The following CHCHD6 variants were observed in gnomAD, a reference collection of about 807,000 sequenced individuals.
CHCHD6 encodes the protein MICOS complex subunit MIC25.
A neutral mutation model predicts 32.3 loss-of-function variants in CHCHD6; 28 were observed. The ratio of observed to expected loss-of-function variants is 0.87; its 90% CI spans 0.64 to 1.19. CHCHD6 has a LOEUF of 1.19. Ranked by LOEUF, CHCHD6 falls within the 50% of genes most tolerant of loss-of-function variation. The pLI is 0.00. For missense variants in CHCHD6, 333 were observed against 307.0 expected, an observed-to-expected ratio of 1.08 and a Z score of -0.63; for synonymous variants, 122 against 117.5, an observed-to-expected ratio of 1.04 and a Z score of -0.25.
At chr3:126,744,434 G>T (rs78479206) in intron 4 of CHCHD6, among the ~76,000 whole-genome samples, 4 of 152,154 alleles carry the variant, frequency 2.6e-5, no homozygotes, top group Non-Finnish European at 1.5e-5. Context: ...AGAAAAGTCC[G>T]ATTCTTTCCC....
At chr3:126,803,542 C>G (rs1442377996) in intron 4 of CHCHD6, among the ~76,000 whole-genome samples, 1 of 152,200 alleles carries the variant, frequency 6.6e-6, no homozygotes, top group Non-Finnish European at 1.5e-5. Context: ...GCACCCAATA[C>G]AGGAGCACCC....
intron 6 of CHCHD6, among the ~76,000 whole-genome samples, chr3:126,920,077 G>T (rs1374472095): frequency 6.6e-6 from 1 of 151,772 alleles, no homozygotes; most frequent in African/African-American, 2.4e-5. Flanking sequence ...AAATTTCCAT[G>T]CTATAGTTGG....
At chr3:126,729,844 A>G (rs537187004) in intron 2 of CHCHD6, among the ~76,000 whole-genome samples, 1 of 152,298 alleles carries the variant, frequency 6.6e-6, no homozygotes, top group South Asian at 2.1e-4. Context: ...GGTGTGGGAC[A>G]TCGGAGAAGG....
chr3:126,707,580 G>A (rs1576319889), intron 1 of CHCHD6, among the ~76,000 whole-genome samples: 1 of 152,132 alleles, frequency 6.6e-6, no homozygotes. Flanking sequence ...GCTGATGTTG[G>A]TTGCTTGTGA....
chr3:126,788,698 C>G (rs1938360942), intron 4 of CHCHD6, among the ~76,000 whole-genome samples: 1 of 152,024 alleles, frequency 6.6e-6, no homozygotes, highest in South Asian at 2.1e-4. Flanking sequence ...TTTATTGCAT[C>G]TATTTGATTC....
intron 4 of CHCHD6, among the ~76,000 whole-genome samples, chr3:126,825,879 C>T (rs779508766): frequency 3.3e-5 from 5 of 152,206 alleles, no homozygotes; most frequent in African/African-American, 9.6e-5. Flanking sequence ...AACGATGCAA[C>T]AAACACGTTT....
chr3:126,934,536 C>CCT (rs1491268081), intron 6 of CHCHD6, among the ~76,000 whole-genome samples: 5 of 58,244 alleles, frequency 8.6e-5, no homozygotes, highest in African/African-American at 2.9e-4. Flanking sequence ...CCCCTCTCTG[C>CCT]TTTTTTTTTT....
chr3:126,819,128 C>A (rs1940042761), intron 4 of CHCHD6, among the ~76,000 whole-genome samples: 1 of 152,212 alleles, frequency 6.6e-6, no homozygotes, highest in South Asian at 2.1e-4. Flanking sequence ...ACTCCTGCCA[C>A]ACTGCTTCAT....
chr3:126,754,137 C>T (rs1189706271), intron 4 of CHCHD6, among the ~76,000 whole-genome samples: 3 of 152,240 alleles, frequency 2.0e-5, no homozygotes, highest in Admixed American at 1.3e-4. Flanking sequence ...GTCTGAACTG[C>T]CTTGAGAGAA....
intron 6 of CHCHD6, among the ~76,000 whole-genome samples, chr3:126,951,760 C>T (rs578048813): frequency 3.3e-5 from 5 of 152,220 alleles, no homozygotes; most frequent in African/African-American, 9.6e-5. Flanking sequence ...CTCAGGCTGG[C>T]GGCAGAGTTA....
At position 126,802,501 on chromosome 3, in the gene CHCHD6, G is replaced by A. The variant is rs139564264; in HGVS notation, c.412-50146G>A. On this transcript the variant is annotated intron_variant, in intron 4 of 7. Coordinates refer to ENST00000290913, the MANE Select transcript of CHCHD6 (RefSeq NM_032343.3). ...GAAATGAATGAAATGAAGCGAGAAG[G>A]GAAGTTTAGAGAGAAAAGAATAAAA... 9.9e-4 allele frequency among the ~76,000 whole-genome samples: 151 copies of A among 152,212 alleles called. 1 individual carries two copies. Among genetic ancestry groups the A allele is most frequent in the African/African-American group, 3.4e-3 (140 of 41,546 alleles).
At chr3:126,709,770 C>G (rs541585783) in intron 1 of CHCHD6, among the ~76,000 whole-genome samples, 2 of 152,304 alleles carry the variant, frequency 1.3e-5, no homozygotes, top group South Asian at 4.1e-4. Flanking sequence ...CTTCATGTGC[C>G]TATCCTTATA....
At chr3:126,779,443 A>C (rs1461526025) in intron 4 of CHCHD6, among the ~76,000 whole-genome samples, 2 of 150,870 alleles carry the variant, frequency 1.3e-5, no homozygotes, top group Non-Finnish European at 2.9e-5. Flanking sequence ...AGGCTGAGGC[A>C]GGAGAATCAC....
rs935109012 is a variant in CHCHD6, at chr3:126,833,830, C to T, written c.412-18817C>T. On this transcript the variant is annotated intron_variant, in intron 4 of 7. Coordinates refer to ENST00000290913, the MANE Select transcript of CHCHD6 (RefSeq NM_032343.3). The stretch of plus-strand genomic sequence containing the variant: ...CAGCACTTTGGGAGGCCGAGGCGGG[C>T]GGATCACGAGGTCAGGAGATCGAGA... 2.6e-3 allele frequency among the ~76,000 whole-genome samples: 391 copies of T among 151,864 alleles called. 1 individual carries two copies. Among genetic ancestry groups the T allele is most frequent in the African/African-American group, 8.9e-3 (369 of 41,412 alleles).
chr3:126,815,362 CT>C (rs1939839745), intron 4 of CHCHD6, among the ~76,000 whole-genome samples: 1 of 151,994 alleles, frequency 6.6e-6, no homozygotes, highest in Non-Finnish European at 1.5e-5. Context: ...ACTCTGAATT[CT>C]GCATGTCCAG....
chr3:126,917,303 T>C (rs1413450734), intron 6 of CHCHD6, among the ~76,000 whole-genome samples: 2 of 152,222 alleles, frequency 1.3e-5, no homozygotes, highest in Admixed American at 6.5e-5. Context: ...AATAACTCCT[T>C]TTGTCCGTGG....
At chr3:126,862,560 C>CTCT (rs1941965897) in intron 5 of CHCHD6, among the ~76,000 whole-genome samples, 2 of 138,352 alleles carry the variant, frequency 1.4e-5, no homozygotes, top group Non-Finnish European at 3.2e-5. Context: ...CCTCCTCCTC[C>CTCT]ACCATCACCA....
At chr3:126,823,064 C>A (rs1028272406) in intron 4 of CHCHD6, among the ~76,000 whole-genome samples, 1 of 152,020 alleles carries the variant, frequency 6.6e-6, no homozygotes, top group East Asian at 1.9e-4. Context: ...CATCACCACA[C>A]CCTGCCAGTT....
At chr3:126,953,253 C>A in intron 6 of CHCHD6, 1 of 484,068 alleles carries the variant, frequency 2.1e-6, no homozygotes, top group Non-Finnish European at 2.7e-6. Context: ...CATCTGCCAG[C>A]TCCTTGTTGA....
Sources: allele counts gnomAD v4.1 joint callset (sites outside exome capture counted in the v4.1 genomes callset), GRCh38; gene constraint gnomAD v4.1.1; transcripts MANE v1.5; gene names NCBI Gene and HGNC (gene_info 2026-07-23, HGNC 2026-07-21).